NT5C2: variants seen among roughly 807,000 people sequenced by gnomAD.
The protein encoded by NT5C2 is 5'-nucleotidase, cytosolic II, also known as cytosolic purine 5'-nucleotidase.
In NT5C2, 58 loss-of-function variants were observed where a neutral mutation model predicts 76.1. The ratio of observed to expected loss-of-function variants is 0.76; its 90% CI spans 0.62 to 0.95. NT5C2 has a LOEUF of 0.95. Among genes scored for constraint, NT5C2 ranks in the 40% least tolerant of loss-of-function variants. The probability of loss-of-function intolerance (pLI) is 0.00; values close to 1 mark genes in which losing one functional copy is unlikely to be tolerated. For missense variants in NT5C2, 478 were observed against 690.3 expected (o/e 0.69, Z 3.45); for synonymous variants, 229 against 237.4 (o/e 0.96, Z 0.32).
chr10:103,172,695 G>A (rs2088518106), intron 3 of NT5C2, among the ~76,000 whole-genome samples: 1 of 152,012 alleles, frequency 6.6e-6, no homozygotes, highest in Non-Finnish European at 1.5e-5. Flanking sequence ...AATTAGCTGG[G>A]CATGGTGGCC....
intron 4 of NT5C2, among the ~76,000 whole-genome samples, chr10:103,124,055 C>T (rs1926036): frequency 0.32 from 47,902 of 152,030 alleles, 7,630 homozygotes; most frequent in Middle Eastern, 0.36. Flanking sequence ...AATAATTCTA[C>T]ATGTATAATT....
Position 103,188,997 on chromosome 10 carries a change from G to A in NT5C2, c.-169+4239C>T, listed in dbSNP as rs192639126. 2.7e-5 allele frequency among the ~76,000 whole-genome samples: 4 copies of A among 150,558 alleles called. No individual in the cohort carries two copies. In the East Asian group the frequency reaches 5.8e-4, roughly 22 times the overall value. On this transcript the variant is annotated intron_variant, in intron 1 of 18. Transcript: ENST00000404739. ...AGCCTGGGCAACAAAGTGAGACTCC[G>A]TCTCGGAAAAAAAAAAAGAGTGTGG...
At chr10:103,095,277 A>T (rs968149640) in intron 12 of NT5C2, among the ~76,000 whole-genome samples, 8 of 152,164 alleles carry the variant, frequency 5.3e-5, no homozygotes. Flanking sequence ...TAAAATCATG[A>T]CTATCCTGAA....
rs1004098845 is a variant in NT5C2, at chr10:103,097,453, C to G, written c.688-79G>C. 7 of 1,210,000 alleles carry G rather than the reference C, an allele frequency of 5.8e-6. No individual in the cohort carries two copies. In the Admixed American group the frequency reaches 7.1e-5, roughly 12 times the overall value. 75.0% of individuals were successfully genotyped at this position (1,210,000 alleles called of 1,614,324 possible). On this transcript the variant is annotated intron_variant, in intron 10 of 18. Transcript: ENST00000404739. ...TTTGGAGTTGTCAAATACTGGATTTCTGTCCACAACAGGAATGGGGGAACC... is the reference window on the plus strand; with the variant it reads ...TTTGGAGTTGTCAAATACTGGATTTGTGTCCACAACAGGAATGGGGGAACC...
intron 14 of NT5C2, 125 bp from the exon 15 acceptor site, chr10:103,093,434 G>T: frequency 1.2e-6 from 1 of 818,586 alleles, no homozygotes; most frequent in Non-Finnish European, 1.7e-6. Context: ...AGGAAGAATA[G>T]ACAAAGACTC....
At chr10:103,088,033 C>T (rs1028095851), downstream of NT5C2, 15 of 152,202 alleles carry the variant, frequency 9.9e-5, no homozygotes, top group Admixed American at 6.5e-4. Flanking sequence ...CATGTTAGAA[C>T]ATAATCAGTT....
At chr10:103,123,228 T>C (rs2076028181) in intron 4 of NT5C2, among the ~76,000 whole-genome samples, 1 of 152,224 alleles carries the variant, frequency 6.6e-6, no homozygotes, top group South Asian at 2.1e-4. Flanking sequence ...GCTAACACCA[T>C]CCTCCTCCCT....
At chr10:103,169,237 A>T (rs2087191019) in intron 3 of NT5C2, 1 of 152,176 alleles carries the variant, frequency 6.6e-6, no homozygotes, top group Admixed American at 6.6e-5. Context: ...AATACATACA[A>T]TTTTTGTCAA....
At position 103,115,158 on chromosome 10, in the gene NT5C2, T is replaced by C. The variant is rs187750291; in HGVS notation, c.176-8452A>G. Among the ~76,000 whole-genome samples, 200 of 152,324 alleles carry C rather than the reference T, an allele frequency of 1.3e-3. 1 individual carries two copies. The highest frequency in any genetic ancestry group is 4.4e-3 in the African/African-American group (183 of 41,582). ...GCTCACGCCTATAACCCCAGCACTT[T>C]GGGAGGCCGAGGCAGGTGGACTACC... On this transcript the variant is annotated intron_variant, in intron 4 of 18. Transcript: ENST00000404739.
Position 103,183,279 on chromosome 10 carries a change from A to ATTATATATATTT in NT5C2, c.-168-1952_-168-1951insAAATATATATAA, listed in dbSNP as rs1270017824. On this transcript the variant is annotated intron_variant, in intron 1 of 18. Coordinates refer to ENST00000404739, the MANE Select transcript of NT5C2 (RefSeq NM_001351169.2). ...GTGTGTGTGATATATATATATATAT[A>ATTATATATATTT]TATATATATATATATCACACACTCC... Among the ~76,000 whole-genome samples the ATTATATATATTT allele has an allele frequency of 6.7e-5, 9 of 133,588 alleles. No homozygotes were observed. In the East Asian group the frequency reaches 8.4e-4, roughly 12 times the overall value. 87.6% of individuals were successfully genotyped at this position (133,588 alleles called of 152,430 possible). A position where few individuals can be genotyped will look rare whatever the true frequency, so the allele number is the denominator to read the frequency against.
intron 4 of NT5C2, among the ~76,000 whole-genome samples, chr10:103,138,463 A>G (rs2079734181): frequency 6.6e-6 from 1 of 151,886 alleles, no homozygotes; most frequent in African/African-American, 2.4e-5. Flanking sequence ...TCAGTGTGTG[A>G]TGTTCCCCCT....
intron 4 of NT5C2, among the ~76,000 whole-genome samples, chr10:103,137,320 G>A (rs952511068): frequency 2.0e-4 from 30 of 152,026 alleles, no homozygotes; most frequent in Non-Finnish European, 3.5e-4. Context: ...TGACCAATTA[G>A]AAAAACATTA....
intron 1 of NT5C2, among the ~76,000 whole-genome samples, chr10:103,183,633 T>A (rs116821290): frequency 1.3e-5 from 2 of 149,130 alleles, no homozygotes; most frequent in Non-Finnish European, 3.0e-5. Flanking sequence ...TATATATATA[T>A]ACATATACAT....
At chr10:103,176,685 G>C (rs375052335) in intron 2 of NT5C2, among the ~76,000 whole-genome samples, 1 of 152,100 alleles carries the variant, frequency 6.6e-6, no homozygotes, top group Admixed American at 6.5e-5. Context: ...GCAGAGACCG[G>C]GGCGAGGGGG....
intron 4 of NT5C2, among the ~76,000 whole-genome samples, chr10:103,121,762 G>A (rs1234308820): frequency 6.6e-6 from 1 of 152,122 alleles, no homozygotes; most frequent in Non-Finnish European, 1.5e-5. Flanking sequence ...ACTCCCCAGA[G>A]GCTAATGATA....
intron 2 of NT5C2, among the ~76,000 whole-genome samples, chr10:103,180,726 A>G (rs931166973): frequency 2.0e-5 from 3 of 152,176 alleles, no homozygotes; most frequent in African/African-American, 7.2e-5. Flanking sequence ...CTCAAAAGAA[A>G]AAAAAAAACT....
At chr10:103,149,764 T>G (rs1328433486) in intron 3 of NT5C2, among the ~76,000 whole-genome samples, 1 of 151,758 alleles carries the variant, frequency 6.6e-6, no homozygotes, top group Admixed American at 6.6e-5. Context: ...ATACTGTGCC[T>G]ATATTGGAAG....
chr10:103,124,106 G>A (rs976332500), intron 4 of NT5C2, among the ~76,000 whole-genome samples: 2 of 151,846 alleles, frequency 1.3e-5, no homozygotes, highest in Non-Finnish European at 2.9e-5. Flanking sequence ...TTACTCTTTC[G>A]TGCAACTGCA....
At chr10:103,121,282 A>G (rs1235403032) in intron 4 of NT5C2, among the ~76,000 whole-genome samples, 2 of 152,178 alleles carry the variant, frequency 1.3e-5, no homozygotes, top group African/African-American at 2.4e-5. Context: ...TGGTAATATT[A>G]TATTCTATAT....
Sources: gnomAD v4.1 joint callset for allele counts (sites outside exome capture counted in the v4.1 genomes callset) on GRCh38, gnomAD v4.1.1 for gene constraint, MANE v1.5 for transcripts, NCBI Gene and HGNC (gene_info 2026-07-23, HGNC 2026-07-21) for gene names.